Variants in METTL22 observed in about 807,000 individuals in gnomAD.
METTL22 encodes the protein methyltransferase 22, Kin17 lysine.
In METTL22, 51 loss-of-function variants were observed where a neutral mutation model predicts 48.4. That is an observed-to-expected ratio of 1.05 (90% CI 0.84 to 1.33). The LOEUF is 1.33. METTL22 is among the 40% of genes most tolerant of loss of function. The probability of loss-of-function intolerance (pLI) is 0.00; values close to 1 mark genes in which losing one functional copy is unlikely to be tolerated. For missense variants in METTL22, 678 were observed against 526.9 expected (o/e 1.29, Z -2.81); for synonymous variants, 255 against 214.1 (o/e 1.19, Z -1.67).
chr16:8,633,712 C>G lies in METTL22; in HGVS notation c.515-1327C>G, dbSNP rs1307732720. ...TGCTAACCTCACCCAGCCACCTTTT[C>G]CTCATCCAATAATACTCGAAGCTGT... On this transcript the variant is annotated intron_variant, in intron 3 of 10. Coordinates refer to ENST00000381920, the MANE Select transcript of METTL22 (RefSeq NM_024109.4). 3.3e-5 allele frequency among the ~76,000 whole-genome samples: 5 copies of G among 152,268 alleles called. No individual in the cohort carries two copies. In the South Asian group the frequency reaches 8.3e-4, roughly 25 times the overall value.
At chr16:8,626,446 CT>C (rs3057578) in intron 2 of METTL22, among the ~76,000 whole-genome samples, 7,815 of 129,432 alleles carry the variant, frequency 0.06, 328 homozygotes, top group African/African-American at 0.17. Flanking sequence ...GTCCTCTGCT[CT>C]TTTTTTTTTT....
chr16:8,647,040 T>TGCC lies in METTL22; in HGVS notation c.*900_*902dup. Reference sequence around the variant, plus strand: ...CAGCCCCTTTCCCCTGCCTTGCTGCTGCCGCACACTTTGCACCAGGGCCTT... The same window carrying TGCC: ...CAGCCCCTTTCCCCTGCCTTGCTGCTGCCGCCGCACACTTTGCACCAGGGCCTT... On this transcript the variant is annotated 3_prime_UTR_variant, in exon 11 of 11. Coordinates refer to ENST00000381920, the MANE Select transcript of METTL22 (RefSeq NM_024109.4). 1 of 287,694 alleles carries TGCC rather than the reference T, an allele frequency of 3.5e-6. No individual in the cohort carries two copies. The highest frequency in any genetic ancestry group is 8.9e-5 in the East Asian group (1 of 11,286). 17.8% of individuals were successfully genotyped at this position (287,694 alleles called of 1,614,324 possible).
Position 8,646,182 on chromosome 16 carries a change from T to C in METTL22, c.*39T>C. 1 of 1,611,310 alleles carries C rather than the reference T, an allele frequency of 6.2e-7. No homozygotes were observed. The highest frequency in any genetic ancestry group is 2.2e-5 in the East Asian group (1 of 44,856). On this transcript the variant is annotated 3_prime_UTR_variant, in exon 11 of 11. Coordinates refer to ENST00000381920, the MANE Select transcript of METTL22 (RefSeq NM_024109.4). ...CAAGGCGCGGCGTCTCGACTGTTCT[T>C]AGAGTGTATTTCTAGTAAAATCAGA...
At chr16:8,625,263 T>C (rs902914578) in intron 1 of METTL22, among the ~76,000 whole-genome samples, 2 of 152,098 alleles carry the variant, frequency 1.3e-5, no homozygotes, top group Non-Finnish European at 2.9e-5. Context: ...GTGAGGATCA[T>C]TGAATCTAAG....
At chr16:8,655,850 G>T in the METTL22 span, among the ~76,000 whole-genome samples, 1 of 152,216 alleles carries the variant, frequency 6.6e-6, no homozygotes, top group East Asian at 1.9e-4. Context: ...TGCAAACTAA[G>T]ATTTATTTCT....
At chr16:8,644,269 A>G (rs2056713919) in intron 9 of METTL22, among the ~76,000 whole-genome samples, 1 of 152,132 alleles carries the variant, frequency 6.6e-6, no homozygotes, top group Non-Finnish European at 1.5e-5. Flanking sequence ...TCAAGTGTTG[A>G]TCTGCAGGAC....
At chr16:8,657,888 C>T in the METTL22 span, among the ~76,000 whole-genome samples, 29 of 148,628 alleles carry the variant, frequency 2.0e-4, no homozygotes, top group African/African-American at 6.8e-4. Flanking sequence ...GTGATCATAG[C>T]TCAGTGCAGC....
intron 10 of METTL22, among the ~76,000 whole-genome samples, chr16:8,645,650 C>A (rs1423693767): frequency 6.6e-6 from 1 of 152,146 alleles, no homozygotes; most frequent in Non-Finnish European, 1.5e-5. Context: ...GTGGTGCACA[C>A]CTGTGGTCCC....
At chr16:8,651,201 C>T (rs1346645942), downstream of METTL22, among the ~76,000 whole-genome samples, 3 of 151,732 alleles carry the variant, frequency 2.0e-5, no homozygotes, top group Non-Finnish European at 4.4e-5. Context: ...TCCTGGCTAA[C>T]ATGGTGAAAC....
intron 5 of METTL22, among the ~76,000 whole-genome samples, 174 bp downstream of exon 5, chr16:8,635,486 G>A (rs140547449): frequency 3.9e-5 from 6 of 152,258 alleles, no homozygotes; most frequent in African/African-American, 1.4e-4. Flanking sequence ...ACATCAAAAT[G>A]ACCCAGCAAT....
At chr16:8,659,897 T>C in the METTL22 span, among the ~76,000 whole-genome samples, 3 of 152,010 alleles carry the variant, frequency 2.0e-5, no homozygotes, top group East Asian at 5.8e-4. Flanking sequence ...GCTAATTTTT[T>C]GTATTTCTTG....
Position 8,646,933 on chromosome 16 carries a change from T to A in METTL22, c.*790T>A. The A allele has an allele frequency of 2.9e-6, 1 of 350,238 alleles. No individual in the cohort carries two copies. The highest frequency in any genetic ancestry group is 5.6e-6 in the Non-Finnish European group (1 of 177,866). The allele number at this position is 350,238 out of a possible 1,614,324, so 21.7% of individuals were successfully genotyped here. A position where few individuals can be genotyped will look rare whatever the true frequency, so the allele number is the denominator to read the frequency against. Reference sequence around the variant, plus strand: ...CCTCTCTCCTCCCATCTCCACCCCTTCCTGTCATCCTCTATGTCCCACTGT... The same window carrying A: ...CCTCTCTCCTCCCATCTCCACCCCTACCTGTCATCCTCTATGTCCCACTGT... On this transcript the variant is annotated 3_prime_UTR_variant, in exon 11 of 11. Coordinates refer to ENST00000381920, the MANE Select transcript of METTL22 (RefSeq NM_024109.4).
At chr16:8,628,589 C>T (rs2056142077) in intron 2 of METTL22, 141 bp from the exon 3 acceptor site, 1 of 1,185,004 alleles carries the variant, frequency 8.4e-7, no homozygotes, top group Non-Finnish European at 1.1e-6. Context: ...TCAAGTGGGC[C>T]TTTTCTGCTG....
chr16:8,643,034 T>C, intron 9 of METTL22: 1 of 180,024 alleles, frequency 5.6e-6, no homozygotes, highest in Non-Finnish European at 1.2e-5. Flanking sequence ...TAGAATATCC[T>C]GAAATGTTAG....
chr16:8,666,305 T>A, the METTL22 span, among the ~76,000 whole-genome samples: 1 of 152,154 alleles, frequency 6.6e-6, no homozygotes, highest in Non-Finnish European at 1.5e-5. Context: ...TGTTCCCCAA[T>A]GGAACGGAGC....
At chr16:8,642,877 C>T (rs2056666936) in intron 9 of METTL22, 2 of 404,750 alleles carry the variant, frequency 4.9e-6, no homozygotes, top group Non-Finnish European at 9.2e-6. Flanking sequence ...ACTGGAACCT[C>T]AACGCTTGGC....
At chr16:8,650,250 G>C (rs1348470807), downstream of METTL22, among the ~76,000 whole-genome samples, 1 of 152,240 alleles carries the variant, frequency 6.6e-6, no homozygotes, top group Non-Finnish European at 1.5e-5. Flanking sequence ...CCTAAGCGAA[G>C]GAATTCTAGG....
chr16:8,634,966 C>T (rs1210229085), intron 3 of METTL22, 73 bp from the exon 4 acceptor site: 3 of 1,600,546 alleles, frequency 1.9e-6, no homozygotes, highest in East Asian at 2.2e-5. Context: ...GGTTGCCACA[C>T]TGTCCTGTCT....
At chr16:8,662,813 T>C in the METTL22 span, among the ~76,000 whole-genome samples, 1 of 144,674 alleles carries the variant, frequency 6.9e-6, no homozygotes, top group African/African-American at 2.6e-5. Context: ...AATCCTGGTC[T>C]GTAAAATGCG....
Sources: gnomAD v4.1 joint callset for allele counts (sites outside exome capture counted in the v4.1 genomes callset) on GRCh38, gnomAD v4.1.1 for gene constraint, MANE v1.5 for transcripts, NCBI Gene and HGNC (gene_info 2026-07-23, HGNC 2026-07-21) for gene names.